The following FAM184A variants were observed in gnomAD, a reference collection of about 807,000 sequenced individuals.
FAM184A encodes the protein protein FAM184A.
FAM184A carries 99 observed loss-of-function variants against 143.8 expected under a neutral mutation model. The ratio of observed to expected loss-of-function variants is 0.69; its 90% confidence interval spans 0.58 to 0.81. The LOEUF is 0.81. Ranked by LOEUF, FAM184A falls within the 40% of genes least tolerant of loss-of-function variation. The probability of loss-of-function intolerance (pLI) is 0.00; values close to 1 mark genes in which losing one functional copy is unlikely to be tolerated. For synonymous variants in FAM184A, 427 were observed against 446.4 expected, an observed-to-expected ratio of 0.96 and a Z score of 0.55; for missense variants, 1,217 against 1,310.5, an observed-to-expected ratio of 0.93 and a Z score of 1.10.
At chr6:119,129,425 G>C (rs1440750532) in intron 1 of FAM184A, among the ~76,000 whole-genome samples, 1 of 152,092 alleles carries the variant, frequency 6.6e-6, no homozygotes, top group East Asian at 1.9e-4. Context: ...GATCTTTTAG[G>C]GCCCAGATGC....
At chr6:119,045,685 C>T (rs1312181164) in intron 1 of FAM184A, among the ~76,000 whole-genome samples, 2 of 152,146 alleles carry the variant, frequency 1.3e-5, no homozygotes, top group African/African-American at 4.8e-5. Context: ...AAATGCACCA[C>T]AGTGAAATTA....
intron 1 of FAM184A, among the ~76,000 whole-genome samples, chr6:119,075,337 T>G (rs1029099024): frequency 1.3e-5 from 2 of 152,214 alleles, no homozygotes; most frequent in Non-Finnish European, 2.9e-5. Flanking sequence ...CCATATTTTA[T>G]TAATACTCAT....
chr6:119,130,732 A>G (rs1200273581), intron 1 of FAM184A, among the ~76,000 whole-genome samples: 1 of 152,212 alleles, frequency 6.6e-6, no homozygotes, highest in African/African-American at 2.4e-5. Flanking sequence ...CGGTCTTCGT[A>G]ACAGGTCTCT....
intron 1 of FAM184A, among the ~76,000 whole-genome samples, chr6:119,132,371 C>A (rs73767257): frequency 6.6e-6 from 1 of 152,134 alleles, no homozygotes; most frequent in Non-Finnish European, 1.5e-5. Flanking sequence ...GGCAGCAAAT[C>A]GTGGTAAATC....
rs181985955 is a variant in FAM184A at position 119,023,586 on chromosome 6, G to A, written c.1014+373C>T. On this transcript the variant is annotated intron_variant, in intron 2 of 17. Coordinates refer to ENST00000338891, the MANE Select transcript of FAM184A (RefSeq NM_024581.6). ...CCCCCCAGGAACAGCGTATTACCTCGCTAAGCTCACTCACCCAGGCTGGTT... is the reference window on the plus strand; with the variant it reads ...CCCCCCAGGAACAGCGTATTACCTCACTAAGCTCACTCACCCAGGCTGGTT... Among the ~76,000 whole-genome samples the A allele has an allele frequency of 4.6e-3, 506 of 109,396 alleles. 8 individuals carry two copies. The highest frequency in any genetic ancestry group is 0.017 in the African/African-American group (492 of 28,334). 71.8% of individuals were successfully genotyped at this position (109,396 alleles called of 152,430 possible). A position where few individuals can be genotyped will look rare whatever the true frequency, so the allele number is the denominator to read the frequency against.
chr6:119,144,945 G>C, intron 1 of FAM184A, among the ~76,000 whole-genome samples: 1 of 152,182 alleles, frequency 6.6e-6, no homozygotes. Flanking sequence ...GAGTGCAAAA[G>C]GGCATCATAG....
chr6:119,014,412 A>G (rs1785176446), intron 5 of FAM184A, among the ~76,000 whole-genome samples: 1 of 152,266 alleles, frequency 6.6e-6, no homozygotes, highest in South Asian at 2.1e-4. Context: ...TCTGTCAGAT[A>G]CTTTGCTTTT....
At chr6:119,097,927 T>C (rs1221087384) in intron 1 of FAM184A, among the ~76,000 whole-genome samples, 1 of 152,228 alleles carries the variant, frequency 6.6e-6, no homozygotes, top group Non-Finnish European at 1.5e-5. Context: ...TAGGTCATAA[T>C]GTTGCTGAAC....
chr6:119,059,975 AC>A (rs1347867703), intron 1 of FAM184A, among the ~76,000 whole-genome samples: 4 of 152,186 alleles, frequency 2.6e-5, no homozygotes, highest in African/African-American at 9.7e-5. Context: ...ATAACTTGCC[AC>A]TCCATTTAAT....
At chr6:118,989,801 C>CATCT (rs1784313860) in intron 9 of FAM184A, among the ~76,000 whole-genome samples, 1 of 144,810 alleles carries the variant, frequency 6.9e-6, no homozygotes, top group East Asian at 2.0e-4. Context: ...AGTATTTTTA[C>CATCT]ATTTATTTAT....
intron 4 of FAM184A, among the ~76,000 whole-genome samples, chr6:119,018,580 A>G (rs941450418): frequency 1.3e-5 from 2 of 152,192 alleles, no homozygotes; most frequent in African/African-American, 4.8e-5. Context: ...TACACCAAGA[A>G]CTTTGAATTT....
At chr6:118,977,294 A>T (rs1783875303) in intron 11 of FAM184A, among the ~76,000 whole-genome samples, 1 of 152,180 alleles carries the variant, frequency 6.6e-6, no homozygotes, top group African/African-American at 2.4e-5. Flanking sequence ...TCTACATGTT[A>T]AATATTGTTG....
intron 1 of FAM184A, among the ~76,000 whole-genome samples, chr6:119,085,856 G>A (rs1253946493): frequency 2.0e-5 from 3 of 152,136 alleles, no homozygotes; most frequent in Admixed American, 6.5e-5. Flanking sequence ...GTCTTACATG[G>A]CCAGAGCAGG....
upstream of FAM184A, among the ~76,000 whole-genome samples, chr6:119,081,018 G>A (rs533973358): frequency 9.5e-4 from 144 of 152,204 alleles, 1 homozygote; most frequent in African/African-American, 3.3e-3. Context: ...GAAAGAGAGC[G>A]GGGAGGTGCT....
chr6:119,132,323 A>G (rs1789555514), intron 1 of FAM184A, among the ~76,000 whole-genome samples: 1 of 152,154 alleles, frequency 6.6e-6, no homozygotes, highest in African/African-American at 2.4e-5. Flanking sequence ...CTATCAGCCT[A>G]TGGTTGCAAA....
chr6:119,045,379 G>T (rs1007712364), intron 1 of FAM184A, among the ~76,000 whole-genome samples: 4 of 147,406 alleles, frequency 2.7e-5, no homozygotes, highest in African/African-American at 5.0e-5. Context: ...TTAAACACTT[G>T]TTTTCTAATT....
intron 3 of FAM184A, among the ~76,000 whole-genome samples, chr6:119,022,563 T>C (rs573945056): frequency 5.3e-5 from 8 of 152,284 alleles, no homozygotes; most frequent in Admixed American, 1.3e-4. Flanking sequence ...AAAAAATAAA[T>C]GCTACCTTAA....
chr6:118,969,339 T>TA (rs1354636789), intron 14 of FAM184A, among the ~76,000 whole-genome samples: 2 of 152,134 alleles, frequency 1.3e-5, no homozygotes, highest in Non-Finnish European at 2.9e-5. Flanking sequence ...AAATGTTTAA[T>TA]AAGAAAAACA....
At chr6:119,063,387 C>T (rs1562134311) in intron 1 of FAM184A, among the ~76,000 whole-genome samples, 1 of 152,186 alleles carries the variant, frequency 6.6e-6, no homozygotes, top group Non-Finnish European at 1.5e-5. Context: ...GACTGCAGAA[C>T]ATACTGCATG....
Sources: gnomAD v4.1 joint callset for allele counts (sites outside exome capture counted in the v4.1 genomes callset) on GRCh38, gnomAD v4.1.1 for gene constraint, MANE v1.5 for transcripts, NCBI Gene and HGNC (gene_info 2026-07-23, HGNC 2026-07-21) for gene names.